ZNF438: variants seen among roughly 807,000 people sequenced by gnomAD.
ZNF438 encodes zinc finger protein 438.
Under a neutral mutation model 38.0 loss-of-function variants are expected in ZNF438, and 25 were observed. The ratio of observed to expected loss-of-function variants is 0.66; its 90% CI spans 0.48 to 0.92. ZNF438 has a LOEUF of 0.92. ZNF438 is among the 40% of genes least tolerant of loss of function. The probability of loss-of-function intolerance (pLI) is 0.00; values close to 1 mark genes in which losing one functional copy is unlikely to be tolerated. For missense variants in ZNF438, 1,007 were observed against 999.6 expected, an observed-to-expected ratio of 1.01 and a Z score of -0.10; for synonymous variants, 372 against 364.1, an observed-to-expected ratio of 1.02 and a Z score of -0.25.
chr10:30,925,216 T>C (rs907204287), intron 2 of ZNF438, among the ~76,000 whole-genome samples: 4 of 151,364 alleles, frequency 2.6e-5, no homozygotes, highest in African/African-American at 7.3e-5. Context: ...TGACTTACTC[T>C]GCTGGCTAGG....
intron 3 of ZNF438, among the ~76,000 whole-genome samples, chr10:30,880,504 T>C (rs1266896900): frequency 1.3e-5 from 2 of 148,262 alleles, no homozygotes; most frequent in Non-Finnish European, 3.0e-5. Flanking sequence ...TAAACAATAA[T>C]AACAACTGTA....
At chr10:31,012,510 G>A (rs1297488815) in intron 1 of ZNF438, among the ~76,000 whole-genome samples, 1 of 151,848 alleles carries the variant, frequency 6.6e-6, no homozygotes, top group Non-Finnish European at 1.5e-5. Flanking sequence ...TATGTTAATC[G>A]TCTACCTCCC....
chr10:31,007,276 G>GTTTGTT (rs1564839823), intron 1 of ZNF438, among the ~76,000 whole-genome samples: 5 of 112,390 alleles, frequency 4.4e-5, no homozygotes, highest in Non-Finnish European at 5.4e-5. Flanking sequence ...TTTTTTTGGT[G>GTTTGTT]TTTTTTTTTT....
At chr10:31,003,685 A>T (rs183650694) in intron 1 of ZNF438, among the ~76,000 whole-genome samples, 108 of 152,060 alleles carry the variant, frequency 7.1e-4, no homozygotes, top group Non-Finnish European at 1.2e-3. Context: ...AGCTACTACC[A>T]TTTTTCACTG....
intron 1 of ZNF438, among the ~76,000 whole-genome samples, chr10:31,014,817 GTTATAA>G (rs1384524754): frequency 1.3e-5 from 2 of 151,276 alleles, no homozygotes; most frequent in Non-Finnish European, 2.9e-5. Context: ...CATTCTTACT[GTTATAA>G]TTATATATAA....
intron 3 of ZNF438, among the ~76,000 whole-genome samples, chr10:30,895,457 G>A (rs2041203625): frequency 6.6e-6 from 1 of 152,162 alleles, no homozygotes; most frequent in African/African-American, 2.4e-5. Context: ...GAAAGTAAAT[G>A]TGACTGAGAT....
chr10:30,854,301 G>T (rs566105454), intron 4 of ZNF438, among the ~76,000 whole-genome samples: 1 of 152,154 alleles, frequency 6.6e-6, no homozygotes, highest in Non-Finnish European at 1.5e-5. Context: ...GTGACAGAGC[G>T]AGACTCCATC....
At chr10:30,880,876 AACT>A (rs1019835766) in intron 3 of ZNF438, among the ~76,000 whole-genome samples, 1 of 151,528 alleles carries the variant, frequency 6.6e-6, no homozygotes, top group African/African-American at 2.4e-5. Flanking sequence ...TATAAAAGAA[AACT>A]ACATGATTAT....
exon 6 of ZNF438, chr10:30,845,545 A>G (rs2031782454): frequency 1.9e-6 from 3 of 1,612,774 alleles, no homozygotes; most frequent in African/African-American, 2.7e-5. Context: ...TTTAGAAGGA[A>G]GTCTTCTTCC....
chr10:30,943,816 A>C (rs2994633), intron 1 of ZNF438, among the ~76,000 whole-genome samples: 19,357 of 152,182 alleles, frequency 0.13, 1,620 homozygotes, highest in Middle Eastern at 0.24. Context: ...AGCCTCCTTT[A>C]AAACCTAGAT....
At chr10:30,969,152 A>T (rs1353289430) in intron 1 of ZNF438, among the ~76,000 whole-genome samples, 1 of 152,184 alleles carries the variant, frequency 6.6e-6, no homozygotes, top group Non-Finnish European at 1.5e-5. Flanking sequence ...AGTAAGTCAA[A>T]AAAAATAAAA....
chr10:30,959,564 C>A (rs1279566360), intron 1 of ZNF438, among the ~76,000 whole-genome samples: 1 of 132,720 alleles, frequency 7.5e-6, no homozygotes, highest in African/African-American at 2.6e-5. Context: ...CGGTGAAACC[C>A]CGTCTCTACT....
chr10:31,018,422 G>A (rs1307130628), intron 1 of ZNF438, among the ~76,000 whole-genome samples: 2 of 152,198 alleles, frequency 1.3e-5, no homozygotes, highest in Non-Finnish European at 2.9e-5. Context: ...CTTCCCTGGA[G>A]GTACAAACTG....
intron 1 of ZNF438, among the ~76,000 whole-genome samples, chr10:30,986,869 G>T (rs2136597035): frequency 6.6e-6 from 1 of 152,260 alleles, no homozygotes; most frequent in South Asian, 2.1e-4. Context: ...AACAAAATCT[G>T]TGAATAATAA....
chr10:30,874,206 T>C (rs530198508), intron 4 of ZNF438, among the ~76,000 whole-genome samples: 1 of 147,442 alleles, frequency 6.8e-6, no homozygotes, highest in African/African-American at 2.5e-5. Flanking sequence ...TGGAATGCCA[T>C]GGCATGATCA....
chr10:30,881,283 G>T (rs1276523802), intron 3 of ZNF438, among the ~76,000 whole-genome samples: 1 of 152,018 alleles, frequency 6.6e-6, no homozygotes, highest in Non-Finnish European at 1.5e-5. Flanking sequence ...GTTTAGCAAG[G>T]TTACACAATA....
intron 1 of ZNF438, among the ~76,000 whole-genome samples, chr10:30,963,573 C>T (rs1202247912): frequency 1.3e-5 from 2 of 151,966 alleles, no homozygotes; most frequent in African/African-American, 4.8e-5. Context: ...GCAGTGAGCA[C>T]TAGTATATAT....
At chr10:30,970,004 G>A (rs2050563311) in intron 1 of ZNF438, among the ~76,000 whole-genome samples, 2 of 151,618 alleles carry the variant, frequency 1.3e-5, no homozygotes, top group South Asian at 4.2e-4. Flanking sequence ...GAGACCTTTG[G>A]CAAATGATAT....
intron 3 of ZNF438, among the ~76,000 whole-genome samples, chr10:30,898,458 G>A (rs2041617461): frequency 6.6e-6 from 1 of 151,970 alleles, no homozygotes; most frequent in Admixed American, 6.6e-5. Context: ...ATCAACAGTG[G>A]TTACTTTTGG....
Sources: gnomAD v4.1 joint callset for allele counts (sites outside exome capture counted in the v4.1 genomes callset) on GRCh38, gnomAD v4.1.1 for gene constraint, MANE v1.5 for transcripts, NCBI Gene and HGNC (gene_info 2026-07-23, HGNC 2026-07-21) for gene names.